Variants in MAGI1 observed in about 807,000 individuals in gnomAD.
MAGI1 encodes the protein membrane-associated guanylate kinase, WW and PDZ domain-containing protein 1.
In MAGI1, 58 loss-of-function variants were observed where a neutral mutation model predicts 139.9. The observed-to-expected ratio is 0.41, with a 90% CI of 0.34 to 0.52. The LOEUF (loss-of-function observed/expected upper bound fraction) is 0.52, where lower values mean the gene tolerates loss of function less well. Among genes scored for constraint, MAGI1 ranks in the 20% least tolerant of loss-of-function variants. MAGI1 has a pLI of 0.12. For synonymous variants in MAGI1, 812 were observed against 737.9 expected (o/e 1.10, Z -1.63); for missense variants, 1,874 against 1,901.6 (o/e 0.99, Z 0.27).
intron 4 of MAGI1, among the ~76,000 whole-genome samples, chr3:65,473,387 C>G (rs1950670172): frequency 6.6e-6 from 1 of 152,088 alleles, no homozygotes; most frequent in Non-Finnish European, 1.5e-5. Flanking sequence ...TGCAAAGTGC[C>G]TGGCACCTGG....
intron 2 of MAGI1, among the ~76,000 whole-genome samples, chr3:65,597,326 C>T (rs2082259276): frequency 6.7e-6 from 1 of 149,250 alleles, no homozygotes; most frequent in Admixed American, 6.8e-5. Flanking sequence ...GACGAGCACA[C>T]TTTGGAATGC....
intron 1 of MAGI1, among the ~76,000 whole-genome samples, chr3:65,708,997 C>G (rs1007852509): frequency 9.8e-5 from 15 of 152,298 alleles, no homozygotes; most frequent in Non-Finnish European, 2.2e-4. Flanking sequence ...TAAAGGTTAA[C>G]AGAGGTTTTA....
At chr3:65,590,340 C>T (rs574847913) in intron 2 of MAGI1, among the ~76,000 whole-genome samples, 14 of 152,222 alleles carry the variant, frequency 9.2e-5, no homozygotes, top group Non-Finnish European at 1.9e-4. Context: ...GGCTCATAAA[C>T]ATATTTGGGT....
chr3:66,010,655 G>C (rs2067278570), intron 1 of MAGI1, among the ~76,000 whole-genome samples: 1 of 152,174 alleles, frequency 6.6e-6, no homozygotes, highest in Non-Finnish European at 1.5e-5. Flanking sequence ...ACAGCTCTTT[G>C]AAAATCCCAA....
intron 14 of MAGI1, among the ~76,000 whole-genome samples, chr3:65,384,560 C>A (rs1575576062): frequency 1.3e-5 from 2 of 152,178 alleles, no homozygotes; most frequent in East Asian, 1.9e-4. Flanking sequence ...CATAGTGAGA[C>A]CTTGTCTCTA....
intron 1 of MAGI1, among the ~76,000 whole-genome samples, chr3:65,772,092 A>AG (rs1236686763): frequency 6.6e-6 from 1 of 152,024 alleles, no homozygotes; most frequent in Non-Finnish European, 1.5e-5. Flanking sequence ...TCCCAGGGAG[A>AG]GGGTGAGGCA....
chr3:65,850,612 G>A (rs1268682224), intron 1 of MAGI1, among the ~76,000 whole-genome samples: 1 of 152,176 alleles, frequency 6.6e-6, no homozygotes, highest in African/African-American at 2.4e-5. Context: ...AACTCAAGCT[G>A]TCAAAGTAAT....
intron 2 of MAGI1, among the ~76,000 whole-genome samples, chr3:65,620,333 G>T (rs2083597579): frequency 6.6e-6 from 1 of 152,140 alleles, no homozygotes; most frequent in African/African-American, 2.4e-5. Context: ...AAAAAGACCA[G>T]ATCTGCCACT....
intron 1 of MAGI1, among the ~76,000 whole-genome samples, chr3:65,943,122 T>C (rs764868479): frequency 7.2e-5 from 11 of 152,224 alleles, no homozygotes; most frequent in Admixed American, 1.3e-4. Context: ...CTCTTGTTAT[T>C]TGATGGAGAA....
intron 1 of MAGI1, among the ~76,000 whole-genome samples, chr3:65,752,682 T>C (rs949113853): frequency 2.6e-5 from 4 of 152,216 alleles, no homozygotes; most frequent in African/African-American, 9.6e-5. Flanking sequence ...CTGGTTCCTA[T>C]GAGCCCTCTT....
At chr3:65,559,401 C>T (rs899911543) in intron 2 of MAGI1, among the ~76,000 whole-genome samples, 2 of 152,176 alleles carry the variant, frequency 1.3e-5, no homozygotes, top group Non-Finnish European at 2.9e-5. Flanking sequence ...GGGATACTTC[C>T]ACCTGATTGA....
At chr3:65,431,829 A>G (rs1947480544) in intron 10 of MAGI1, among the ~76,000 whole-genome samples, 2 of 151,792 alleles carry the variant, frequency 1.3e-5, no homozygotes, top group Non-Finnish European at 2.9e-5. Flanking sequence ...CTACTAAAAA[A>G]AAAAAATACA....
intron 15 of MAGI1, among the ~76,000 whole-genome samples, chr3:65,382,993 A>T (rs1426750644): frequency 2.0e-5 from 3 of 152,150 alleles, no homozygotes; most frequent in Non-Finnish European, 4.4e-5. Context: ...CTGTTATGTT[A>T]TTCTAAATTT....
chr3:65,555,295 A>G (rs2080033108), intron 2 of MAGI1, among the ~76,000 whole-genome samples: 1 of 152,094 alleles, frequency 6.6e-6, no homozygotes, highest in Non-Finnish European at 1.5e-5. Flanking sequence ...TTAACATAGT[A>G]TTTTCCGGAT....
chr3:65,769,020 T>C (rs905347108), intron 1 of MAGI1, among the ~76,000 whole-genome samples: 5 of 152,090 alleles, frequency 3.3e-5, no homozygotes, highest in African/African-American at 9.7e-5. Flanking sequence ...TCTTGGTAAC[T>C]TAAATAGATG....
At chr3:65,580,756 C>T (rs2081381143) in intron 2 of MAGI1, among the ~76,000 whole-genome samples, 1 of 152,200 alleles carries the variant, frequency 6.6e-6, no homozygotes, top group African/African-American at 2.4e-5. Flanking sequence ...TGACAAGTCG[C>T]TTCTATAAGA....
At chr3:65,751,945 G>A (rs60482276) in intron 1 of MAGI1, among the ~76,000 whole-genome samples, 23,359 of 151,838 alleles carry the variant, frequency 0.15, 2,469 homozygotes, top group South Asian at 0.4. Context: ...TGATTTTTTC[G>A]TTTGTTTGTT....
Position 65,485,082 on chromosome 3 carries a change from G to T in MAGI1, c.551-6284C>A, listed in dbSNP as rs534293858. Reference sequence around the variant, plus strand: ...ATAGTGCACATGAATTCCAGCCTGGGATCCTCCTAAAAACCTGTATTGTGG... The same window carrying T: ...ATAGTGCACATGAATTCCAGCCTGGTATCCTCCTAAAAACCTGTATTGTGG... On this transcript the variant is annotated intron_variant, in intron 3 of 22. Transcript: ENST00000402939. Among the ~76,000 whole-genome samples, 3 of 152,232 alleles carry T rather than the reference G, an allele frequency of 2.0e-5. No individual in the cohort carries two copies. The East Asian group carries it at 5.8e-4, about 30-fold the overall frequency.
intron 1 of MAGI1, among the ~76,000 whole-genome samples, chr3:65,965,431 C>T (rs1277833086): frequency 1.3e-5 from 2 of 152,122 alleles, no homozygotes; most frequent in African/African-American, 2.4e-5. Flanking sequence ...TAACTAAAAG[C>T]AAATACATTG....
Sources: gnomAD v4.1 joint callset for allele counts (sites outside exome capture counted in the v4.1 genomes callset) on GRCh38, gnomAD v4.1.1 for gene constraint, MANE v1.5 for transcripts, NCBI Gene and HGNC (gene_info 2026-07-23, HGNC 2026-07-21) for gene names.